Variants in ADCK1 observed in about 807,000 individuals in gnomAD.
ADCK1 encodes aarF domain-containing protein kinase 1.
A neutral mutation model predicts 52.3 loss-of-function variants in ADCK1; 41 were observed. That is an observed-to-expected ratio of 0.78 (90% confidence interval 0.61 to 1.02). ADCK1 has a LOEUF of 1.02. Ranked by LOEUF, ADCK1 falls within the 50% of genes least tolerant of loss-of-function variation. The probability of loss-of-function intolerance (pLI) is 0.00; values close to 1 mark genes in which losing one functional copy is unlikely to be tolerated. For missense variants in ADCK1, 658 were observed against 679.5 expected (o/e 0.97, Z 0.35); for synonymous variants, 250 against 274.6 (o/e 0.91, Z 0.89).
chr14:77,831,220 A>C (rs1017002020), intron 3 of ADCK1, among the ~76,000 whole-genome samples: 1 of 152,178 alleles, frequency 6.6e-6, no homozygotes, highest in Non-Finnish European at 1.5e-5. Context: ...GAGAGGAGAG[A>C]GGAAGGGGTG....
rs145741651 is a variant in ADCK1, at chr14:77,827,158, C to G, written c.219+4640C>G. Among the ~76,000 whole-genome samples the G allele has an allele frequency of 2.2e-4, 33 of 148,454 alleles. 1 individual carries two copies. The highest frequency in any genetic ancestry group is 8.2e-4 in the African/African-American group (32 of 38,952). On this transcript the variant is annotated intron_variant, in intron 3 of 10. Coordinates refer to ENST00000238561, the MANE Select transcript of ADCK1 (RefSeq NM_020421.4). Reference sequence around the variant, plus strand: ...CACGAGGTCAAGAGATCGAGACCATCCTGGCCAACATGGTGAAACCCTGTC... The same window carrying G: ...CACGAGGTCAAGAGATCGAGACCATGCTGGCCAACATGGTGAAACCCTGTC...
Position 77,899,239 on chromosome 14 carries a change from G to T in ADCK1, c.722G>T (p.Arg241Met). The change falls in exon 6 of 11, where the codon AGG becomes ATG. Residue 241 changes from arginine (R) to methionine (M), a missense_variant. Arg to Met is a moderately conservative substitution (Grantham distance 91, BLOSUM62 -1). Transcript: ENST00000238561. ...RNAEKVSQML[R>M]HFDFLKVPRI... ...GCTGAGAAGGTGTCCCAGATGCTCA[G>T]GCATTTTGACTTCTTGAAGGTAGGT... 16 of 1,614,146 alleles carry T rather than the reference G, an allele frequency of 9.9e-6. No homozygotes were observed. Among genetic ancestry groups the T allele is most frequent in the Non-Finnish European group, 1.4e-5 (16 of 1,179,992 alleles).
Position 77,806,127 on chromosome 14 carries a change from A to G in ADCK1, c.-12+5957A>G, listed in dbSNP as rs1488869706. 6.0e-5 allele frequency among the ~76,000 whole-genome samples: 9 copies of G among 149,954 alleles called. No homozygotes were observed. In the South Asian group the frequency reaches 6.3e-4, roughly 11 times the overall value. Reference sequence around the variant, plus strand: ...GGAGTTTGAGAGATGAGGTCTCTCTATGTTGCCCCGGCTGGTCTGGACTCC... The same window carrying G: ...GGAGTTTGAGAGATGAGGTCTCTCTGTGTTGCCCCGGCTGGTCTGGACTCC... On this transcript the variant is annotated intron_variant, in intron 1 of 10. Coordinates refer to ENST00000238561, the MANE Select transcript of ADCK1 (RefSeq NM_020421.4).
intron 5 of ADCK1, among the ~76,000 whole-genome samples, chr14:77,889,196 T>C (rs1864702372): frequency 6.6e-6 from 1 of 152,226 alleles, no homozygotes; most frequent in Admixed American, 6.5e-5. Flanking sequence ...TTTTATAAAT[T>C]GTCCAGTCTC....
At position 77,933,463 on chromosome 14, in the gene ADCK1, T is replaced by G. The variant is rs1595115514; in HGVS notation, c.*72T>G. 6.3e-7 allele frequency: 1 copy of G among 1,584,094 alleles called. No homozygotes were observed. Among genetic ancestry groups the G allele is most frequent in the East Asian group, 2.3e-5 (1 of 44,338 alleles). On this transcript the variant is annotated 3_prime_UTR_variant, in exon 11 of 11. Coordinates refer to ENST00000238561, the MANE Select transcript of ADCK1 (RefSeq NM_020421.4). ...GCCCCTCATCTTGCCTCCACCCAGC[T>G]GCTCCATTTTTGCCACATCGTGGCC...
intron 7 of ADCK1, chr14:77,914,433 T>A: frequency 1.0e-6 from 1 of 985,462 alleles, no homozygotes; most frequent in Non-Finnish European, 1.2e-6. Context: ...TCTGTGTCAT[T>A]GCAGGAGCAG....
At chr14:77,906,887 A>G (rs2083678819) in intron 6 of ADCK1, among the ~76,000 whole-genome samples, 5 of 152,114 alleles carry the variant, frequency 3.3e-5, no homozygotes, top group Admixed American at 3.3e-4. Flanking sequence ...GGCCATACCT[A>G]CTATAAAGCA....
chr14:77,800,466 T>G (rs960871814), intron 1 of ADCK1, among the ~76,000 whole-genome samples: 3 of 152,226 alleles, frequency 2.0e-5, no homozygotes, highest in African/African-American at 4.8e-5. Flanking sequence ...AGTGGCACAG[T>G]CTTGCAGGCA....
At chr14:77,819,148 T>C (rs1187869347) in intron 2 of ADCK1, 35 bp downstream of exon 2, 2 of 1,612,376 alleles carry the variant, frequency 1.2e-6, no homozygotes, top group African/African-American at 2.7e-5. Context: ...GCAGAGAAGC[T>C]GCAGGATTAC....
chr14:77,822,365 C>T lies in ADCK1; in HGVS notation c.136-70C>T, dbSNP rs182342639. On this transcript the variant is annotated intron_variant, in intron 2 of 10. Transcript: ENST00000238561. ...GCAGCTGTGTCAGGGACCTGTACTG[C>T]AAGGTTTGGGCAGAGTAGTAGTACT... The T allele has an allele frequency of 2.2e-4, 287 of 1,292,676 alleles. 2 individuals are homozygous for T. In the African/African-American group the frequency reaches 3.8e-3, roughly 17 times the overall value. The allele number at this position is 1,292,676 out of a possible 1,614,324, so 80.1% of individuals were successfully genotyped here.
chr14:77,833,408 A>T (rs2081897963), intron 3 of ADCK1, among the ~76,000 whole-genome samples: 1 of 151,992 alleles, frequency 6.6e-6, no homozygotes, highest in Non-Finnish European at 1.5e-5. Context: ...TGCATAGAGG[A>T]GGAGAGAAAT....
At chr14:77,909,080 T>C (rs2083732148) in intron 7 of ADCK1, among the ~76,000 whole-genome samples, 1 of 151,192 alleles carries the variant, frequency 6.6e-6, no homozygotes, top group Non-Finnish European at 1.5e-5. Flanking sequence ...TGTTCTGCCC[T>C]CTGGGATGGA....
At chr14:77,832,866 C>T (rs2081886763) in intron 3 of ADCK1, among the ~76,000 whole-genome samples, 1 of 152,206 alleles carries the variant, frequency 6.6e-6, no homozygotes, top group Admixed American at 6.5e-5. Flanking sequence ...ATGTCTGGTT[C>T]TTCAGGAATA....
intron 5 of ADCK1, among the ~76,000 whole-genome samples, chr14:77,887,546 T>C (rs769679413): frequency 6.6e-6 from 1 of 152,144 alleles, no homozygotes; most frequent in Non-Finnish European, 1.5e-5. Context: ...GGAAGGGATG[T>C]TGTAGAAATG....
intron 3 of ADCK1, among the ~76,000 whole-genome samples, chr14:77,856,616 C>G (rs759016203): frequency 6.6e-6 from 1 of 152,192 alleles, no homozygotes; most frequent in Non-Finnish European, 1.5e-5. Flanking sequence ...TTGACTCCAT[C>G]TGACCTAATC....
chr14:77,802,741 G>A (rs1208333125), intron 1 of ADCK1, among the ~76,000 whole-genome samples: 1 of 152,110 alleles, frequency 6.6e-6, no homozygotes, highest in African/African-American at 2.4e-5. Flanking sequence ...ACGAGGTCAG[G>A]AGATCGAGAC....
intron 9 of ADCK1, among the ~76,000 whole-genome samples, chr14:77,931,235 C>G (rs999293858): frequency 1.3e-5 from 2 of 152,152 alleles, no homozygotes; most frequent in African/African-American, 4.8e-5. Flanking sequence ...AGTGAAAAAG[C>G]CATGGAGAAT....
rs2084415301 is a variant in ADCK1, at chr14:77,934,819, G to A, written c.*1428G>A. ...CATAGTACAGCAAGCAGATTTTTCAGTGATCAGTGACAATTCACAATCCTT... is the reference window on the plus strand; with the variant it reads ...CATAGTACAGCAAGCAGATTTTTCAATGATCAGTGACAATTCACAATCCTT... On this transcript the variant is annotated 3_prime_UTR_variant, in exon 11 of 11. Transcript: ENST00000238561. 2 of 152,188 alleles carry A rather than the reference G, an allele frequency of 1.3e-5. No individual in the cohort carries two copies. The highest frequency in any genetic ancestry group is 2.9e-5 in the Non-Finnish European group (2 of 68,044). 9.4% of individuals were successfully genotyped at this position (152,188 alleles called of 1,614,324 possible).
chr14:77,843,009 C>T (rs931553174), intron 3 of ADCK1, among the ~76,000 whole-genome samples: 1 of 151,812 alleles, frequency 6.6e-6, no homozygotes, highest in Non-Finnish European at 1.5e-5. Flanking sequence ...CCTGCCTCAG[C>T]CTCCTGAGTA....
Sources: allele counts gnomAD v4.1 joint callset (sites outside exome capture counted in the v4.1 genomes callset), GRCh38; gene constraint gnomAD v4.1.1; transcripts MANE v1.5; gene names NCBI Gene and HGNC (gene_info 2026-07-23, HGNC 2026-07-21).